Variants in SLC4A5 observed in about 807,000 individuals in gnomAD.
SLC4A5 encodes electrogenic sodium bicarbonate cotransporter 4.
A neutral mutation model predicts 120.4 loss-of-function variants in SLC4A5; 96 were observed. The ratio of observed to expected loss-of-function variants is 0.80; its 90% CI spans 0.68 to 0.94. The LOEUF is 0.94. SLC4A5 is among the 40% of genes least tolerant of loss of function. The pLI, the probability that SLC4A5 is intolerant of heterozygous loss-of-function variation, is 0.00. For missense variants in SLC4A5, 1,259 were observed against 1,459.5 expected (o/e 0.86, Z 2.24); for synonymous variants, 550 against 571.1 (o/e 0.96, Z 0.53).
At chr2:74,300,714 G>T (rs1052698724) in intron 7 of SLC4A5, among the ~76,000 whole-genome samples, 5 of 152,138 alleles carry the variant, frequency 3.3e-5, no homozygotes, top group Non-Finnish European at 7.3e-5. Flanking sequence ...ATGCTTATCT[G>T]TTTGTGGGTC....
intron 24 of SLC4A5, among the ~76,000 whole-genome samples, chr2:74,231,956 C>T (rs1262317255): frequency 6.6e-6 from 1 of 152,082 alleles, no homozygotes; most frequent in Non-Finnish European, 1.5e-5. Flanking sequence ...CCCTAAGGGG[C>T]TGAAGATGTA....
exon 8 of SLC4A5, chr2:74,285,784 C>T: frequency 1.2e-6 from 2 of 1,611,094 alleles, no homozygotes; most frequent in African/African-American, 1.3e-5. Flanking sequence ...TGGCTGACTC[C>T]TTCCACTCCA....
chr2:74,241,648 A>G (rs904404086), intron 20 of SLC4A5, among the ~76,000 whole-genome samples: 1 of 149,222 alleles, frequency 6.7e-6, no homozygotes, highest in African/African-American at 2.5e-5. Flanking sequence ...AGGCTGTGGC[A>G]GGAGAATTGC....
intron 18 of SLC4A5, among the ~76,000 whole-genome samples, chr2:74,248,112 T>C (rs1670674263): frequency 6.6e-6 from 1 of 152,160 alleles, no homozygotes; most frequent in Admixed American, 6.5e-5. Context: ...CTGAGTGGTG[T>C]GAATTTTCTC....
chr2:74,271,220 C>A (rs1007353628), intron 8 of SLC4A5, among the ~76,000 whole-genome samples: 1 of 152,142 alleles, frequency 6.6e-6, no homozygotes, highest in Non-Finnish European at 1.5e-5. Context: ...CACTGCCCAG[C>A]GAGAATGCCC....
At chr2:74,316,673 C>T (rs1672975151) in intron 5 of SLC4A5, among the ~76,000 whole-genome samples, 1 of 152,198 alleles carries the variant, frequency 6.6e-6, no homozygotes, top group South Asian at 2.1e-4. Flanking sequence ...CTAACTGCCA[C>T]ACGGTTTTTC....
intron 21 of SLC4A5, among the ~76,000 whole-genome samples, chr2:74,238,420 G>T (rs899492724): frequency 2.0e-5 from 3 of 152,020 alleles, no homozygotes; most frequent in African/African-American, 7.2e-5. Context: ...AAAGGGCCAA[G>T]AAAATATTAT....
chr2:74,252,813 C>T (rs1670833806), intron 15 of SLC4A5, among the ~76,000 whole-genome samples, 161 bp downstream of exon 15: 1 of 152,196 alleles, frequency 6.6e-6, no homozygotes, highest in South Asian at 2.1e-4. Context: ...GTTTCAAACT[C>T]CTGGGCTCAA....
At chr2:74,304,389 C>A (rs538793843) in intron 7 of SLC4A5, 100 bp downstream of exon 7, 1 of 1,232,182 alleles carries the variant, frequency 8.1e-7, no homozygotes, top group Non-Finnish European at 1.1e-6. Context: ...CCATGTGGAG[C>A]GTTACCCACA....
intron 6 of SLC4A5, among the ~76,000 whole-genome samples, chr2:74,311,162 T>A (rs559656211): frequency 2.0e-5 from 3 of 152,100 alleles, no homozygotes; most frequent in Non-Finnish European, 4.4e-5. Context: ...TCACCTTTCA[T>A]TTCTGATATT....
chr2:74,239,437 A>G (rs1392037116), exon 21 of SLC4A5: 1 of 1,614,164 alleles, frequency 6.2e-7, no homozygotes, highest in Admixed American at 1.7e-5. Flanking sequence ...GGTCTGGGAT[A>G]AACTTGCAGG....
Position 74,335,212 on chromosome 2 carries a change from G to A in SLC4A5, c.-220-1035C>T, listed in dbSNP as rs184729717. On this transcript the variant is annotated intron_variant, in intron 3 of 30. Transcript: ENST00000394019. ...TGTGATCTCCTGCTCTTAATCACAT[G>A]ATGAAGAATGAGACATTGCTGGATG... Among the ~76,000 whole-genome samples, 6 of 152,304 alleles carry A rather than the reference G, an allele frequency of 3.9e-5. No homozygotes were observed. The East Asian group carries it at 1.2e-3, about 29-fold the overall frequency.
intron 15 of SLC4A5, 52 bp from the exon 16 acceptor site, chr2:74,252,440 C>T: frequency 6.4e-7 from 1 of 1,568,648 alleles, no homozygotes; most frequent in Non-Finnish European, 8.7e-7. Context: ...CACCCCTCAC[C>T]TCTCCAACCA....
At chr2:74,291,574 T>A (rs567508945) in intron 7 of SLC4A5, among the ~76,000 whole-genome samples, 1 of 152,332 alleles carries the variant, frequency 6.6e-6, no homozygotes, top group East Asian at 1.9e-4. Context: ...CACTGCCCCA[T>A]TGAGGCTGGC....
intron 8 of SLC4A5, among the ~76,000 whole-genome samples, chr2:74,279,462 T>C (rs1196207520): frequency 6.6e-6 from 1 of 152,144 alleles, no homozygotes; most frequent in Non-Finnish European, 1.5e-5. Context: ...CTTTCGTGGG[T>C]TCCTCTTCCT....
chr2:74,277,995 T>C (rs1215199591), intron 8 of SLC4A5, among the ~76,000 whole-genome samples: 7 of 152,150 alleles, frequency 4.6e-5, no homozygotes, highest in Non-Finnish European at 1.0e-4. Context: ...AGCTGGGTGA[T>C]GGGGACCATT....
exon 31 of SLC4A5, chr2:74,216,752 G>T (rs1694456602): frequency 6.6e-6 from 1 of 152,192 alleles, no homozygotes; most frequent in Non-Finnish European, 1.5e-5. Context: ...GGGACTACAG[G>T]TGTGTGCCAG....
intron 19 of SLC4A5, among the ~76,000 whole-genome samples, chr2:74,245,780 A>G (rs914905774): frequency 6.6e-6 from 1 of 152,252 alleles, no homozygotes; most frequent in Non-Finnish European, 1.5e-5. Context: ...ATTGTGCAGC[A>G]AATATTTTCG....
intron 6 of SLC4A5, among the ~76,000 whole-genome samples, chr2:74,312,086 T>C (rs537398103): frequency 6.6e-6 from 1 of 152,350 alleles, no homozygotes; most frequent in South Asian, 2.1e-4. Context: ...GAGATGTTCT[T>C]TGCTCTTAAT....
Sources: gnomAD v4.1 joint callset for allele counts (sites outside exome capture counted in the v4.1 genomes callset) on GRCh38, gnomAD v4.1.1 for gene constraint, MANE v1.5 for transcripts, NCBI Gene and HGNC (gene_info 2026-07-23, HGNC 2026-07-21) for gene names.